FOXP1: variants seen among roughly 807,000 people sequenced by gnomAD.
The protein encoded by FOXP1 is forkhead box P1, also known as forkhead box protein P1.
A neutral mutation model predicts 98.2 loss-of-function variants in FOXP1; 15 were observed. The ratio of observed to expected loss-of-function variants is 0.15; its 90% CI spans 0.10 to 0.24. FOXP1 has a LOEUF of 0.24. FOXP1 is among the 10% of genes least tolerant of loss of function. FOXP1 has a pLI of 1.00. For missense variants in FOXP1, 633 were observed against 848.5 expected (o/e 0.75, Z 3.15); for synonymous variants, 371 against 314.5 (o/e 1.18, Z -1.90).
intron 7 of FOXP1, among the ~76,000 whole-genome samples, chr3:71,068,005 T>C (rs987381263): frequency 7.2e-6 from 1 of 138,766 alleles, no homozygotes; most frequent in Non-Finnish European, 1.6e-5. Context: ...AAAAAAGCCA[T>C]AATAATATAA....
chr3:71,023,417 A>G (rs2045695116), intron 11 of FOXP1, among the ~76,000 whole-genome samples: 1 of 152,206 alleles, frequency 6.6e-6, no homozygotes, highest in Non-Finnish European at 1.5e-5. Context: ...TTGGGTTTCT[A>G]GAAAGCTGTT....
chr3:71,067,787 T>G (rs2052717496), intron 7 of FOXP1, among the ~76,000 whole-genome samples: 1 of 128,658 alleles, frequency 7.8e-6, no homozygotes, highest in African/African-American at 2.7e-5. Flanking sequence ...TGATGGTGCA[T>G]GCCTATAGTC....
At chr3:71,555,069 T>C (rs1394302131) in intron 2 of FOXP1, among the ~76,000 whole-genome samples, 1 of 152,230 alleles carries the variant, frequency 6.6e-6, no homozygotes, top group Admixed American at 6.5e-5. Flanking sequence ...AATGTATATA[T>C]TTTTTAAACT....
chr3:71,547,355 G>A (rs1299143823), intron 2 of FOXP1, among the ~76,000 whole-genome samples: 1 of 152,190 alleles, frequency 6.6e-6, no homozygotes, highest in African/African-American at 2.4e-5. Context: ...CAGCAAGAAC[G>A]CTCTTCTTTG....
chr3:71,260,084 C>T (rs921537666), intron 5 of FOXP1, among the ~76,000 whole-genome samples: 1 of 152,066 alleles, frequency 6.6e-6, no homozygotes, highest in Non-Finnish European at 1.5e-5. Context: ...CCCGGGTTCA[C>T]GCTATTCTCC....
At chr3:71,010,248 G>A (rs138585493) in intron 12 of FOXP1, among the ~76,000 whole-genome samples, 251 of 152,160 alleles carry the variant, frequency 1.6e-3, no homozygotes, top group South Asian at 3.1e-3. Context: ...TCAATAAGAA[G>A]TGCTGCCTCT....
chr3:71,114,332 G>A (rs1430167491), intron 6 of FOXP1, among the ~76,000 whole-genome samples: 2 of 152,238 alleles, frequency 1.3e-5, no homozygotes, highest in African/African-American at 4.8e-5. Context: ...AGAAGAAAGA[G>A]AGAACAGAGT....
chr3:70,971,796 A>C (rs2036316541), intron 18 of FOXP1: 1 of 407,096 alleles, frequency 2.5e-6, no homozygotes, highest in Non-Finnish European at 4.3e-6. Context: ...AATAGAACGA[A>C]TATTTGCATT....
At chr3:71,195,910 C>T (rs1012088401) in intron 6 of FOXP1, among the ~76,000 whole-genome samples, 4 of 152,230 alleles carry the variant, frequency 2.6e-5, no homozygotes, top group African/African-American at 7.2e-5. Context: ...TCTGATAACT[C>T]TAGTCCTGTA....
At chr3:71,447,950 A>G (rs1458021368) in intron 3 of FOXP1, among the ~76,000 whole-genome samples, 1 of 152,064 alleles carries the variant, frequency 6.6e-6, no homozygotes, top group Non-Finnish European at 1.5e-5. Context: ...ACCTCAAATG[A>G]CTCATTCTTC....
chr3:71,120,423 AT>A (rs2058676314), intron 6 of FOXP1, among the ~76,000 whole-genome samples: 1 of 152,244 alleles, frequency 6.6e-6, no homozygotes, highest in South Asian at 2.1e-4. Flanking sequence ...CTTACAGAGC[AT>A]TTAATAACAG....
At chr3:71,346,274 G>A (rs1453806229) in intron 4 of FOXP1, among the ~76,000 whole-genome samples, 1 of 152,234 alleles carries the variant, frequency 6.6e-6, no homozygotes, top group African/African-American at 2.4e-5. Flanking sequence ...GGTGATCTAA[G>A]CCTCACACTT....
At chr3:71,141,984 C>G (rs1171031682) in intron 6 of FOXP1, among the ~76,000 whole-genome samples, 1 of 152,210 alleles carries the variant, frequency 6.6e-6, no homozygotes, top group Middle Eastern at 3.2e-3. Flanking sequence ...AAGAAATTAA[C>G]TTATTGAATC....
At chr3:71,465,137 G>A (rs1162860510) in intron 3 of FOXP1, among the ~76,000 whole-genome samples, 3 of 151,798 alleles carry the variant, frequency 2.0e-5, no homozygotes, top group African/African-American at 7.3e-5. Context: ...GAGAAACCCC[G>A]TCTCTATTGA....
rs563238927 is a variant in FOXP1 at position 71,342,938 on chromosome 3, C to T, written c.-73+16212G>A. On this transcript the variant is annotated intron_variant, in intron 4 of 20. Transcript: ENST00000649528. Reference sequence around the variant, plus strand: ...TCAGTTTGGGTTACTTCTTCTGTAACTCTAGGCAATTTAATAATAGGCAAT... The same window carrying T: ...TCAGTTTGGGTTACTTCTTCTGTAATTCTAGGCAATTTAATAATAGGCAAT... 3.3e-5 allele frequency among the ~76,000 whole-genome samples: 5 copies of T among 152,304 alleles called. 1 individual carries two copies. In the South Asian group the frequency reaches 6.2e-4, roughly 19 times the overall value.
intron 2 of FOXP1, among the ~76,000 whole-genome samples, chr3:71,500,658 C>T (rs1408292065): frequency 6.6e-6 from 1 of 152,154 alleles, no homozygotes; most frequent in Non-Finnish European, 1.5e-5. Context: ...TTTCCAGAAG[C>T]CACTCATTCT....
chr3:71,169,019 A>G (rs1220101531), intron 6 of FOXP1, among the ~76,000 whole-genome samples: 1 of 152,228 alleles, frequency 6.6e-6, no homozygotes, highest in Admixed American at 6.5e-5. Flanking sequence ...AAAAGTGAAG[A>G]TGAGCTCTTT....
intron 2 of FOXP1, among the ~76,000 whole-genome samples, chr3:71,534,267 G>A (rs760596523): frequency 6.6e-6 from 1 of 152,304 alleles, no homozygotes; most frequent in Admixed American, 6.5e-5. Context: ...GGAGGCCAAG[G>A]CAGGAGAATC....
intron 2 of FOXP1, among the ~76,000 whole-genome samples, chr3:71,569,507 T>C (rs2047166675): frequency 6.6e-6 from 1 of 152,126 alleles, no homozygotes; most frequent in Non-Finnish European, 1.5e-5. Context: ...TTAAGAATCA[T>C]ATAGAAGACA....
Sources: gnomAD v4.1 joint callset for allele counts (sites outside exome capture counted in the v4.1 genomes callset) on GRCh38, gnomAD v4.1.1 for gene constraint, MANE v1.5 for transcripts, NCBI Gene and HGNC (gene_info 2026-07-23, HGNC 2026-07-21) for gene names.